ZC3H12B: variants seen among roughly 807,000 people sequenced by gnomAD.
ZC3H12B encodes probable ribonuclease ZC3H12B.
ZC3H12B carries 7 observed loss-of-function variants against 43.9 expected under a neutral mutation model. That is an observed-to-expected ratio of 0.16 (90% confidence interval 0.09 to 0.30). The LOEUF (loss-of-function observed/expected upper bound fraction) is 0.30, where lower values mean the gene tolerates loss of function less well. Among genes scored for constraint, ZC3H12B ranks in the 10% least tolerant of loss-of-function variants. The probability of loss-of-function intolerance (pLI) is 1.00; values close to 1 mark genes in which losing one functional copy is unlikely to be tolerated. For synonymous variants in ZC3H12B, 222 were observed against 241.7 expected (o/e 0.92, Z 0.76); for missense variants, 475 against 670.2 (o/e 0.71, Z 3.22).
the ZC3H12B span, among the ~76,000 whole-genome samples, chrX:65,230,931 G>T: frequency 8.9e-6 from 1 of 112,089 alleles, no homozygotes; most frequent in East Asian, 2.8e-4. Flanking sequence ...TCTATCTTTA[G>T]TATGAAGACT....
chrX:65,064,956 A>T, the ZC3H12B span, among the ~76,000 whole-genome samples: 1 of 110,053 alleles, frequency 9.1e-6, no homozygotes, highest in African/African-American at 3.3e-5. Flanking sequence ...ATAGACTAGG[A>T]TTGCAACTCC....
At chrX:65,111,685 A>G in the ZC3H12B span, among the ~76,000 whole-genome samples, 2 of 110,059 alleles carry the variant, frequency 1.8e-5, no homozygotes, top group East Asian at 5.8e-4. Flanking sequence ...CATTGTCATT[A>G]TATCTATTAT....
chrX:65,446,746 G>A (rs775664840), intron 3 of ZC3H12B, among the ~76,000 whole-genome samples: 31 of 111,854 alleles, frequency 2.8e-4, no homozygotes, highest in Non-Finnish European at 3.0e-4. Context: ...GGGTGGTGTC[G>A]CAATTCAAGA....
intron 2 of ZC3H12B, among the ~76,000 whole-genome samples, chrX:65,390,412 A>G (rs951530297): frequency 8.1e-5 from 9 of 111,735 alleles, no homozygotes; most frequent in African/African-American, 2.9e-4. Context: ...AATTTAAAAA[A>G]AAAGGATAGG....
At chrX:65,228,905 C>T in the ZC3H12B span, among the ~76,000 whole-genome samples, 1 of 112,026 alleles carries the variant, frequency 8.9e-6, no homozygotes, top group Non-Finnish European at 1.9e-5. Context: ...AATGGAAGAA[C>T]ATTCCATGCT....
At chrX:65,438,847 G>A (rs1473805802) in intron 3 of ZC3H12B, among the ~76,000 whole-genome samples, 1 of 113,030 alleles carries the variant, frequency 8.8e-6, no homozygotes, top group African/African-American at 3.2e-5. Context: ...GGACATTATG[G>A]CCATTATGGA....
chrX:65,488,781 T>C lies in ZC3H12B; in HGVS notation c.-21T>C, dbSNP rs750489758. ...AAAAAGAAAAAGAACTGATTAGACC[T>C]CAGACGACCCACTAAACGGGATGAC... On this transcript the variant is annotated 5_prime_UTR_variant, in exon 1 of 5. Coordinates refer to ENST00000338957, the Ensembl canonical transcript of ZC3H12B. 8.7e-6 allele frequency: 10 copies of C among 1,149,198 alleles called. No homozygotes were observed. In the South Asian group the frequency reaches 1.0e-4, roughly 12 times the overall value. The allele number at this position is 1,149,198 out of a possible 1,213,427, so 94.7% of individuals were successfully genotyped here. A position where few individuals can be genotyped will look rare whatever the true frequency, so the allele number is the denominator to read the frequency against.
At chrX:65,116,047 G>A in the ZC3H12B span, among the ~76,000 whole-genome samples, 1 of 111,479 alleles carries the variant, frequency 9.0e-6, no homozygotes, top group Non-Finnish European at 1.9e-5. Flanking sequence ...AAGCTTTTTA[G>A]TTTAAGTAGG....
chrX:65,344,474 ACTCCCTATT>A, the ZC3H12B span, among the ~76,000 whole-genome samples: 1 of 111,966 alleles, frequency 8.9e-6, no homozygotes, highest in East Asian at 2.8e-4. Flanking sequence ...TGGGAAAAGG[ACTCCCTATT>A]CACCAAATGG....
At chrX:65,152,787 C>A in the ZC3H12B span, among the ~76,000 whole-genome samples, 21 of 111,560 alleles carry the variant, frequency 1.9e-4, no homozygotes, top group Non-Finnish European at 3.2e-4. Flanking sequence ...CAATCCTAAG[C>A]CAAAGGAACA....
At chrX:65,433,067 G>A (rs1236866440) in intron 3 of ZC3H12B, among the ~76,000 whole-genome samples, 3 of 112,669 alleles carry the variant, frequency 2.7e-5, no homozygotes, top group South Asian at 3.6e-4. Flanking sequence ...GGAGAGATAC[G>A]GAGAAAAAGG....
At chrX:65,437,339 T>TTCTA (rs1174731039) in intron 3 of ZC3H12B, among the ~76,000 whole-genome samples, 9 of 111,974 alleles carry the variant, frequency 8.0e-5, no homozygotes, top group African/African-American at 2.9e-4. Flanking sequence ...TCTTCTACCC[T>TTCTA]CCATCTCCAT....
chrX:65,485,046 A>G (rs1274284244), upstream of ZC3H12B, among the ~76,000 whole-genome samples: 1 of 112,028 alleles, frequency 8.9e-6, no homozygotes, highest in African/African-American at 3.2e-5. Context: ...CAAGTTTGCA[A>G]TCATTTGCTT....
At chrX:65,449,039 G>C (rs919934590) in intron 3 of ZC3H12B, among the ~76,000 whole-genome samples, 7 of 73,348 alleles carry the variant, frequency 9.5e-5, no homozygotes, top group Admixed American at 1.4e-4. Flanking sequence ...AAGAAAGAAA[G>C]AAGGAAGGAA....
intron 2 of ZC3H12B, among the ~76,000 whole-genome samples, chrX:65,374,118 A>AT (rs1569379949): frequency 6.0e-4 from 44 of 73,742 alleles, no homozygotes; most frequent in African/African-American, 2.5e-3. Context: ...GGTTATATAT[A>AT]ACTATATATA....
chrX:65,082,085 A>G, the ZC3H12B span, among the ~76,000 whole-genome samples: 1 of 111,943 alleles, frequency 8.9e-6, no homozygotes, highest in African/African-American at 3.2e-5. Flanking sequence ...TGAAAATGGA[A>G]ACACAACATA....
intron 3 of ZC3H12B, among the ~76,000 whole-genome samples, chrX:65,438,191 C>T (rs1178854923): frequency 9.0e-6 from 1 of 111,484 alleles, no homozygotes; most frequent in African/African-American, 3.3e-5. Context: ...CTTAGGATAG[C>T]TTTGGCTATT....
chrX:65,196,113 C>G, the ZC3H12B span, among the ~76,000 whole-genome samples: 2 of 109,756 alleles, frequency 1.8e-5, no homozygotes, highest in African/African-American at 6.6e-5. Context: ...CCTGCAGGAA[C>G]AGCCCCTTCC....
intron 3 of ZC3H12B, among the ~76,000 whole-genome samples, chrX:65,466,926 A>G (rs1205436010): frequency 6.5e-5 from 2 of 30,642 alleles, no homozygotes; most frequent in Non-Finnish European, 9.6e-5. Context: ...ATATATATAT[A>G]TATATATATA....
Sources: allele counts gnomAD v4.1 joint callset (sites outside exome capture counted in the v4.1 genomes callset), GRCh38; gene constraint gnomAD v4.1.1; transcripts MANE v1.5; gene names NCBI Gene and HGNC (gene_info 2026-07-23, HGNC 2026-07-21).